The following GFOD1 variants were observed in gnomAD, a reference collection of about 807,000 sequenced individuals.
GFOD1 encodes the protein Gfo/Idh/MocA-like oxidoreductase domain containing 1.
A neutral mutation model predicts 25.4 loss-of-function variants in GFOD1; 9 were observed. That is an observed-to-expected ratio of 0.35 (90% CI 0.21 to 0.62). GFOD1 has a LOEUF of 0.62. GFOD1 is among the 20% of genes least tolerant of loss of function. GFOD1 has a pLI of 0.72. For missense variants in GFOD1, 403 were observed against 556.9 expected, an observed-to-expected ratio of 0.72 and a Z score of 2.78; for synonymous variants, 253 against 245.6, an observed-to-expected ratio of 1.03 and a Z score of -0.28.
intron 1 of GFOD1, among the ~76,000 whole-genome samples, chr6:13,437,374 C>T (rs1294586916): frequency 6.6e-6 from 1 of 152,198 alleles, no homozygotes; most frequent in Non-Finnish European, 1.5e-5. Context: ...AATCCCTCCA[C>T]ACTCCCTCAC....
intron 1 of GFOD1, among the ~76,000 whole-genome samples, chr6:13,460,461 C>T (rs1339393472): frequency 6.6e-6 from 1 of 152,296 alleles, no homozygotes; most frequent in East Asian, 1.9e-4. Flanking sequence ...TACATATACA[C>T]CATGGAATAC....
intron 1 of GFOD1, among the ~76,000 whole-genome samples, chr6:13,377,018 GT>G (rs530360997): frequency 0.024 from 3,393 of 139,734 alleles, 48 homozygotes; most frequent in African/African-American, 0.045. Context: ...CAGCAGATAT[GT>G]TTTTTTTTTT....
chr6:13,447,939 G>A (rs536949386), intron 1 of GFOD1, among the ~76,000 whole-genome samples: 1 of 152,042 alleles, frequency 6.6e-6, no homozygotes, highest in Admixed American at 6.6e-5. Context: ...TGGAGTCACT[G>A]GAAGCATTGG....
intron 1 of GFOD1, among the ~76,000 whole-genome samples, chr6:13,480,764 G>A (rs1430764134): frequency 6.6e-6 from 1 of 152,156 alleles, no homozygotes; most frequent in Admixed American, 6.5e-5. Context: ...TGGGATTATA[G>A]GTGTAAGCCA....
chr6:13,413,856 C>A (rs934817443), intron 1 of GFOD1, among the ~76,000 whole-genome samples: 4 of 152,174 alleles, frequency 2.6e-5, no homozygotes, highest in Non-Finnish European at 5.9e-5. Context: ...CCGTCCCTTG[C>A]ACAGGTTAAT....
chr6:13,374,401 T>C (rs550205071), intron 1 of GFOD1, among the ~76,000 whole-genome samples: 68 of 151,700 alleles, frequency 4.5e-4, no homozygotes, highest in African/African-American at 1.2e-3. Context: ...CCTCCCAGGT[T>C]CAAGCCATTC....
At position 13,359,810 on chromosome 6, in the gene GFOD1, G is replaced by A. The variant is rs1373030380; in HGVS notation, c.*4933C>T. The A allele has an allele frequency of 6.6e-6, 1 of 152,164 alleles. No individual in the cohort carries two copies. The highest frequency in any genetic ancestry group is 1.5e-5 in the Non-Finnish European group (1 of 68,090). The allele number at this position is 152,164 out of a possible 1,614,324, so 9.4% of individuals were successfully genotyped here. A position where few individuals can be genotyped will look rare whatever the true frequency, so the allele number is the denominator to read the frequency against. On this transcript the variant is annotated 3_prime_UTR_variant, in exon 2 of 2. Transcript: ENST00000379287. ...AAAAATACAAAAATTAGCCGGGCATGGTGGCGTGCGTCTGTAATCCCAGCT... is the reference window on the plus strand; with the variant it reads ...AAAAATACAAAAATTAGCCGGGCATAGTGGCGTGCGTCTGTAATCCCAGCT...
chr6:13,409,922 CAAAAAAA>C (rs757548005), intron 1 of GFOD1, among the ~76,000 whole-genome samples: 2 of 72,056 alleles, frequency 2.8e-5, no homozygotes, highest in South Asian at 5.2e-4. Context: ...GGCTCCATTT[CAAAAAAA>C]AAAAAAAAAA....
chr6:13,457,082 C>G (rs555748346), intron 1 of GFOD1, among the ~76,000 whole-genome samples: 1 of 152,298 alleles, frequency 6.6e-6, no homozygotes, highest in Middle Eastern at 3.4e-3. Context: ...CCACAGCCCA[C>G]AGCTAGCAGA....
At chr6:13,426,830 T>G (rs76477305) in intron 1 of GFOD1, among the ~76,000 whole-genome samples, 3,136 of 152,262 alleles carry the variant, frequency 0.021, 117 homozygotes, top group African/African-American at 0.068. Flanking sequence ...AGCTTTCTCT[T>G]GTTCTGGCAA....
At chr6:13,480,655 C>T (rs1029132912) in intron 1 of GFOD1, among the ~76,000 whole-genome samples, 1 of 152,186 alleles carries the variant, frequency 6.6e-6, no homozygotes, top group African/African-American at 2.4e-5. Flanking sequence ...CAGGCATGCA[C>T]CATCATGCCT....
At position 13,451,932 on chromosome 6, in the gene GFOD1, T is replaced by C. The variant is rs1017966333; in HGVS notation, c.253+34706A>G. 5.9e-5 allele frequency among the ~76,000 whole-genome samples: 9 copies of C among 152,258 alleles called. No individual in the cohort carries two copies. In the East Asian group the frequency reaches 1.5e-3, roughly 26 times the overall value. On this transcript the variant is annotated intron_variant, in intron 1 of 1. Coordinates refer to ENST00000379287, the MANE Select transcript of GFOD1 (RefSeq NM_018988.4). ...GGAAGCAGACACATGGGGATTTGGA[T>C]TGGATTTAAAAGGCTCCAGTTCAGC...
intron 1 of GFOD1, among the ~76,000 whole-genome samples, chr6:13,383,547 G>C (rs983558314): frequency 6.6e-6 from 1 of 152,246 alleles, no homozygotes; most frequent in Non-Finnish European, 1.5e-5. Context: ...GGATGGAACT[G>C]TGGGTGGCAG....
In GFOD1 at chr6:13,374,253, T is replaced by C. The variant is rs575565655; in HGVS notation, c.254-8591A>G. Among the ~76,000 whole-genome samples, 4 of 142,206 alleles carry C rather than the reference T, an allele frequency of 2.8e-5. No individual in the cohort carries two copies. The South Asian group carries it at 7.0e-4, about 25-fold the overall frequency. The allele number at this position is 142,206 out of a possible 152,430, so 93.3% of individuals were successfully genotyped here. Reference sequence around the variant, plus strand: ...CTGGCTACAAAGCCAGCCTAGTCTTTTTAAAAATATGTTTTTTTTTTGTGT... The same window carrying C: ...CTGGCTACAAAGCCAGCCTAGTCTTCTTAAAAATATGTTTTTTTTTTGTGT... On this transcript the variant is annotated intron_variant, in intron 1 of 1. Coordinates refer to ENST00000379287, the MANE Select transcript of GFOD1 (RefSeq NM_018988.4).
At chr6:13,478,897 C>A (rs1485341231) in intron 1 of GFOD1, among the ~76,000 whole-genome samples, 2 of 152,006 alleles carry the variant, frequency 1.3e-5, no homozygotes, top group Non-Finnish European at 2.9e-5. Flanking sequence ...ATGTGGGAAA[C>A]CCCCCTAAGC....
At chr6:13,419,849 C>T (rs376970023) in intron 1 of GFOD1, among the ~76,000 whole-genome samples, 104 of 152,338 alleles carry the variant, frequency 6.8e-4, no homozygotes, top group African/African-American at 1.7e-3. Flanking sequence ...TCTACTTAAA[C>T]GTCCCCTCTT....
rs77604707 is a variant in GFOD1, at chr6:13,375,833, G to A, written c.254-10171C>T. 1.7e-3 allele frequency among the ~76,000 whole-genome samples: 265 copies of A among 152,218 alleles called. 3 individuals are homozygous for A. Among genetic ancestry groups the A allele is most frequent in the African/African-American group, 5.7e-3 (237 of 41,510 alleles). On this transcript the variant is annotated intron_variant, in intron 1 of 1. Coordinates refer to ENST00000379287, the MANE Select transcript of GFOD1 (RefSeq NM_018988.4). ...CGTGTGCATTTGGTCATCTAATGAC[G>A]GAAACTATCACATGTGTAATGAGCA...
At chr6:13,440,820 T>C (rs978019264) in intron 1 of GFOD1, among the ~76,000 whole-genome samples, 3 of 152,226 alleles carry the variant, frequency 2.0e-5, no homozygotes, top group African/African-American at 7.2e-5. Context: ...GCTTATTTTG[T>C]TATTTTTAAA....
At position 13,360,215 on chromosome 6, in the gene GFOD1, G is replaced by C. The variant is rs907854913; in HGVS notation, c.*4528C>G. 6.1e-6 allele frequency: 1 copy of C among 162,732 alleles called. No individual in the cohort carries two copies. Among genetic ancestry groups the C allele is most frequent in the Non-Finnish European group, 1.3e-5 (1 of 74,170 alleles). The allele number at this position is 162,732 out of a possible 1,614,324, so 10.1% of individuals were successfully genotyped here. A position where few individuals can be genotyped will look rare whatever the true frequency, so the allele number is the denominator to read the frequency against. Reference sequence around the variant, plus strand: ...TCACTCTCTGTTATGTAAAACAAAAGGACGGCTATTGGACTGTGAAGCCCC... The same window carrying C: ...TCACTCTCTGTTATGTAAAACAAAACGACGGCTATTGGACTGTGAAGCCCC... On this transcript the variant is annotated 3_prime_UTR_variant, in exon 2 of 2. Transcript: ENST00000379287.
Sources: gnomAD v4.1 joint callset for allele counts (sites outside exome capture counted in the v4.1 genomes callset) on GRCh38, gnomAD v4.1.1 for gene constraint, MANE v1.5 for transcripts, NCBI Gene and HGNC (gene_info 2026-07-23, HGNC 2026-07-21) for gene names.